SVOP: variants seen among roughly 807,000 people sequenced by gnomAD.
The protein encoded by SVOP is SV2 related protein.
Under a neutral mutation model 69.1 loss-of-function variants are expected in SVOP, and 17 were observed. That is an observed-to-expected ratio of 0.25 (90% CI 0.17 to 0.37). The LOEUF is 0.37. Ranked by LOEUF, SVOP falls within the 10% of genes least tolerant of loss-of-function variation. The pLI is 1.00. For missense variants in SVOP, 435 were observed against 597.5 expected (o/e 0.73, Z 2.84); for synonymous variants, 238 against 238.6 (o/e 1.00, Z 0.02).
chr12:108,925,542 C>T (rs576304447), intron 11 of SVOP, among the ~76,000 whole-genome samples: 3 of 152,192 alleles, frequency 2.0e-5, no homozygotes, highest in African/African-American at 7.2e-5. Context: ...ACTGTTATTC[C>T]TCTGCCTAAA....
At chr12:108,915,274 T>C (rs1041468408) in intron 15 of SVOP, among the ~76,000 whole-genome samples, 12 of 151,896 alleles carry the variant, frequency 7.9e-5, no homozygotes, top group African/African-American at 2.9e-4. Flanking sequence ...GGGGTACAAA[T>C]GACCCCATCC....
rs975778003 is a variant in SVOP, at chr12:109,020,983, C to G, written c.-115G>C. ...GGACAGCACCCGCGCCGCTTCCTCC[C>G]TGGAGCAGCAGCTGTTCGGGGAGGG... On this transcript the variant is annotated 5_prime_UTR_variant, in exon 1 of 16. Transcript: ENST00000610966. 2.4e-5 allele frequency: 15 copies of G among 627,766 alleles called. No individual in the cohort carries two copies. Among genetic ancestry groups the G allele is most frequent in the Middle Eastern group, 3.4e-4 (1 of 2,936 alleles). The allele number at this position is 627,766 out of a possible 1,614,324, so 38.9% of individuals were successfully genotyped here. A position where few individuals can be genotyped will look rare whatever the true frequency, so the allele number is the denominator to read the frequency against.
At chr12:108,940,534 A>G (rs1162095299) in intron 8 of SVOP, among the ~76,000 whole-genome samples, 3 of 150,148 alleles carry the variant, frequency 2.0e-5, no homozygotes, top group South Asian at 2.1e-4. Flanking sequence ...TTTTGCAATG[A>G]TGGGGCCAAT....
Position 108,915,875 on chromosome 12 carries a change from G to T in SVOP, c.1351-3C>A. ...GCCCGCGTTGCCGTGGGGTAGACCT[G>T]AAACACAGCAGCCGGATATAGGCAT... On this transcript the variant is annotated splice_polypyrimidine_tract_variant and splice_region_variant and intron_variant, in intron 14 of 15. Transcript: ENST00000610966. 1.3e-6 allele frequency: 2 copies of T among 1,598,190 alleles called. No individual in the cohort carries two copies.
intron 1 of SVOP, among the ~76,000 whole-genome samples, chr12:108,997,735 C>A (rs1166667885): frequency 6.6e-6 from 1 of 151,454 alleles, no homozygotes; most frequent in Non-Finnish European, 1.5e-5. Context: ...TTCCAACAGA[C>A]CTGCAGCTGA....
At chr12:108,991,226 C>A (rs1566064169) in intron 1 of SVOP, among the ~76,000 whole-genome samples, 1 of 152,186 alleles carries the variant, frequency 6.6e-6, no homozygotes, top group Non-Finnish European at 1.5e-5. Context: ...TGCCTTAGGC[C>A]TGGATATCTG....
chr12:108,969,707 TCC>T (rs1199510031), intron 5 of SVOP, among the ~76,000 whole-genome samples: 1 of 57,192 alleles, frequency 1.7e-5, no homozygotes, highest in African/African-American at 5.3e-5. Flanking sequence ...ACTTCCCTCC[TCC>T]TTTTTTTTCC....
rs1159971306 is a variant in SVOP at position 108,938,805 on chromosome 12, G to A, written c.897+22C>T. On this transcript the variant is annotated intron_variant, in intron 9 of 15. Coordinates refer to ENST00000610966, the MANE Select transcript of SVOP (RefSeq NM_018711.5). ...TGCACCCCGATACGCACATTGCAGA[G>A]TCTATTGGTCCAGGCACTGACCTGT... The A allele has an allele frequency of 1.1e-5, 17 of 1,613,848 alleles. No homozygotes were observed. In the Admixed American group the frequency reaches 2.2e-4, roughly 21 times the overall value.
At chr12:109,001,784 C>T (rs1375200891) in intron 1 of SVOP, among the ~76,000 whole-genome samples, 2 of 151,642 alleles carry the variant, frequency 1.3e-5, no homozygotes, top group Admixed American at 1.3e-4. Context: ...GGATCCCTTC[C>T]TTACACCTTA....
At chr12:108,960,068 T>C (rs1224760863) in intron 6 of SVOP, among the ~76,000 whole-genome samples, 2 of 152,234 alleles carry the variant, frequency 1.3e-5, no homozygotes, top group African/African-American at 4.8e-5. Flanking sequence ...TAGTTAACAC[T>C]AAATATTGGC....
At chr12:108,973,488 C>T (rs540924771) in intron 4 of SVOP, among the ~76,000 whole-genome samples, 2 of 152,258 alleles carry the variant, frequency 1.3e-5, no homozygotes, top group South Asian at 4.2e-4. Context: ...GCCTCCTGGG[C>T]TCAAGTGATC....
intron 1 of SVOP, among the ~76,000 whole-genome samples, chr12:109,018,208 T>C (rs1436027488): frequency 6.6e-6 from 1 of 152,216 alleles, no homozygotes; most frequent in Non-Finnish European, 1.5e-5. Flanking sequence ...AAGTCTGATT[T>C]GCACAAGGTC....
chr12:109,009,404 G>A (rs11065702), intron 1 of SVOP, among the ~76,000 whole-genome samples: 75,864 of 151,960 alleles, frequency 0.5, 22,030 homozygotes, highest in South Asian at 0.72. Flanking sequence ...AGATGCACAC[G>A]TTGTTAAGAG....
At chr12:108,928,593 AC>A (rs1196010736) in intron 11 of SVOP, among the ~76,000 whole-genome samples, 4 of 149,438 alleles carry the variant, frequency 2.7e-5, no homozygotes, top group Non-Finnish European at 5.9e-5. Context: ...TTGAGACAGA[AC>A]CTCACTCTGT....
intron 11 of SVOP, among the ~76,000 whole-genome samples, chr12:108,923,130 C>T (rs1056871180): frequency 6.6e-5 from 10 of 152,234 alleles, no homozygotes; most frequent in Non-Finnish European, 1.5e-4. Flanking sequence ...GGGTGGCCCC[C>T]ATGATCCCCA....
intron 1 of SVOP, among the ~76,000 whole-genome samples, chr12:109,016,753 T>G (rs1283242824): frequency 6.6e-6 from 1 of 151,260 alleles, no homozygotes; most frequent in Admixed American, 6.6e-5. Flanking sequence ...TCTTTTTTTT[T>G]TTTTTTTGAG....
chr12:108,970,333 C>T (rs1308144539), intron 5 of SVOP, among the ~76,000 whole-genome samples: 2 of 152,218 alleles, frequency 1.3e-5, no homozygotes, highest in East Asian at 1.9e-4. Flanking sequence ...GCCCACTCTC[C>T]GTGCCTCAGT....
chr12:109,021,046 C>T lies in SVOP; in HGVS notation c.-178G>A. ...CCAGCCCACGAGACAAAGCCTCCGC[C>T]GCCAGGAGACCGCGGCGAGAGTGGG... On this transcript the variant is annotated 5_prime_UTR_variant, in exon 1 of 16. Coordinates refer to ENST00000610966, the MANE Select transcript of SVOP (RefSeq NM_018711.5). The T allele has an allele frequency of 1.8e-6, 1 of 557,488 alleles. No homozygotes were observed. Among genetic ancestry groups the T allele is most frequent in the Non-Finnish European group, 3.2e-6 (1 of 312,362 alleles). 34.5% of individuals were successfully genotyped at this position (557,488 alleles called of 1,614,324 possible).
chr12:108,944,810 C>T (rs1217572930), intron 7 of SVOP, among the ~76,000 whole-genome samples: 1 of 152,176 alleles, frequency 6.6e-6, no homozygotes, highest in Non-Finnish European at 1.5e-5. Flanking sequence ...TCAACACCAG[C>T]TCTCAGATAC....
Sources: allele counts gnomAD v4.1 joint callset (sites outside exome capture counted in the v4.1 genomes callset), GRCh38; gene constraint gnomAD v4.1.1; transcripts MANE v1.5; gene names NCBI Gene and HGNC (gene_info 2026-07-23, HGNC 2026-07-21).